The following PDZD2 variants were observed in gnomAD, a reference collection of about 807,000 sequenced individuals.
PDZD2 encodes PDZ domain containing 2.
Under a neutral mutation model 220.7 loss-of-function variants are expected in PDZD2, and 90 were observed. That is an observed-to-expected ratio of 0.41 (90% CI 0.34 to 0.49). PDZD2 has a LOEUF of 0.49. Ranked by LOEUF, PDZD2 falls within the 20% of genes least tolerant of loss-of-function variation. The pLI, the probability that PDZD2 is intolerant of heterozygous loss-of-function variation, is 0.28. For synonymous variants in PDZD2, 1,375 were observed against 1,450.5 expected, an observed-to-expected ratio of 0.95 and a Z score of 1.18; for missense variants, 3,174 against 3,608.5, an observed-to-expected ratio of 0.88 and a Z score of 3.08.
chr5:31,990,131 T>A (rs762188280), intron 3 of PDZD2, among the ~76,000 whole-genome samples: 3 of 152,170 alleles, frequency 2.0e-5, no homozygotes, highest in Non-Finnish European at 2.9e-5. Flanking sequence ...AGCGCCGGAG[T>A]ATTTACGGCA....
intron 2 of PDZD2, among the ~76,000 whole-genome samples, chr5:31,954,113 C>T (rs1411507802): frequency 6.6e-6 from 1 of 151,816 alleles, no homozygotes; most frequent in African/African-American, 2.4e-5. Flanking sequence ...GAGACACTGT[C>T]CCTGTCTCTT....
intron 1 of PDZD2, among the ~76,000 whole-genome samples, chr5:31,712,444 G>C (rs394088): frequency 7.2e-6 from 1 of 139,450 alleles, no homozygotes; most frequent in Non-Finnish European, 1.5e-5. Flanking sequence ...TGGGATGGCT[G>C]GGCCTGCCTC....
intron 2 of PDZD2, chr5:31,923,417 C>A: frequency 8.0e-7 from 1 of 1,248,790 alleles, no homozygotes; most frequent in Non-Finnish European, 1.2e-6. Flanking sequence ...AGCTCTTCAA[C>A]GGGGGCCAGT....
chr5:31,768,003 T>C (rs1752125983), intron 1 of PDZD2, among the ~76,000 whole-genome samples: 1 of 152,196 alleles, frequency 6.6e-6, no homozygotes, highest in South Asian at 2.1e-4. Context: ...CAGCCAGGCT[T>C]TCCACCTGTG....
intron 24 of PDZD2, 54 bp downstream of exon 24, chr5:32,101,293 A>G (rs1424068021): frequency 1.3e-6 from 2 of 1,484,784 alleles, no homozygotes; most frequent in Non-Finnish European, 1.8e-6. Flanking sequence ...TTTTCCATGG[A>G]TGTCTCAATG....
chr5:32,079,280 C>A (rs74933224), intron 19 of PDZD2, among the ~76,000 whole-genome samples: 8,818 of 121,088 alleles, frequency 0.073, 482 homozygotes, highest in African/African-American at 0.18. Flanking sequence ...AAAAAAAAAA[C>A]AAAAAAAAAA....
intron 2 of PDZD2, among the ~76,000 whole-genome samples, chr5:31,839,192 C>A: frequency 6.6e-6 from 1 of 152,100 alleles, no homozygotes; most frequent in Admixed American, 6.5e-5. Flanking sequence ...TCTTTGAAGA[C>A]AAGTTTTGTT....
At chr5:31,763,579 G>A (rs1411717104) in intron 1 of PDZD2, among the ~76,000 whole-genome samples, 5 of 152,136 alleles carry the variant, frequency 3.3e-5, no homozygotes, top group African/African-American at 1.2e-4. Context: ...TTGAGAACGT[G>A]GAACATTGAG....
intron 1 of PDZD2, among the ~76,000 whole-genome samples, chr5:31,698,237 C>T (rs1318561769): frequency 6.6e-6 from 1 of 150,550 alleles, no homozygotes; most frequent in Non-Finnish European, 1.5e-5. Flanking sequence ...TCTCACCCAG[C>T]AGGAGCTGCC....
At chr5:32,074,858 G>T (rs161549) in intron 18 of PDZD2, among the ~76,000 whole-genome samples, 39,789 of 150,888 alleles carry the variant, frequency 0.26, 5,848 homozygotes, top group East Asian at 0.46. Context: ...TCACCCAGGC[G>T]GGAGTGCAGT....
chr5:32,008,888 C>T (rs897564438), intron 5 of PDZD2, among the ~76,000 whole-genome samples: 4 of 152,020 alleles, frequency 2.6e-5, no homozygotes, highest in Admixed American at 6.6e-5. Context: ...GGGCCTCAGT[C>T]GTGAAAGGAA....
intron 1 of PDZD2, among the ~76,000 whole-genome samples, chr5:31,698,067 T>TA (rs1747450741): frequency 7.4e-6 from 1 of 135,346 alleles, no homozygotes. Flanking sequence ...CGCACCCAGC[T>TA]AATTTTTTTT....
rs562295471 is a variant in PDZD2, at chr5:31,751,034, G to A, written c.-360-47855G>A. Among the ~76,000 whole-genome samples, 5 of 152,190 alleles carry A rather than the reference G, an allele frequency of 3.3e-5. No individual in the cohort carries two copies. In the East Asian group the frequency reaches 7.7e-4, roughly 24 times the overall value. On this transcript the variant is annotated intron_variant, in intron 1 of 24. Coordinates refer to ENST00000438447, the MANE Select transcript of PDZD2 (RefSeq NM_178140.4). ...AAGGCAGGTGGATCACCTGAGGTCA[G>A]GAGTTTGAGACCAGCCTGGCCAATG... is the stretch of plus-strand genomic sequence containing the variant.
intron 2 of PDZD2, among the ~76,000 whole-genome samples, chr5:31,917,342 T>C (rs1422171101): frequency 6.6e-6 from 1 of 152,122 alleles, no homozygotes; most frequent in Non-Finnish European, 1.5e-5. Context: ...GAGGCCAGCC[T>C]GGGCAACATG....
chr5:31,975,800 T>G (rs1749703400), intron 2 of PDZD2, among the ~76,000 whole-genome samples: 1 of 80,728 alleles, frequency 1.2e-5, no homozygotes, highest in Non-Finnish European at 2.5e-5. Context: ...TCACTTTTTT[T>G]TTATTTATTT....
At chr5:31,936,066 AT>A (rs746974729) in intron 2 of PDZD2, 133 of 986,896 alleles carry the variant, frequency 1.3e-4, no homozygotes, top group Non-Finnish European at 1.5e-4. Flanking sequence ...TAAATGAAAA[AT>A]GATCTGAGTG....
chr5:31,675,271 A>G (rs1678907), intron 1 of PDZD2, among the ~76,000 whole-genome samples: 15,388 of 152,108 alleles, frequency 0.1, 806 homozygotes, highest in East Asian at 0.15. Flanking sequence ...CAAAGCTGGT[A>G]GGCTCGTGGG....
At chr5:31,874,991 C>T (rs1739178418) in intron 2 of PDZD2, among the ~76,000 whole-genome samples, 1 of 152,094 alleles carries the variant, frequency 6.6e-6, no homozygotes, top group Non-Finnish European at 1.5e-5. Flanking sequence ...TGTTTAAATG[C>T]TATGTACTGT....
chr5:32,015,738 T>C (rs1481033854), intron 6 of PDZD2, among the ~76,000 whole-genome samples: 1 of 152,206 alleles, frequency 6.6e-6, no homozygotes, highest in East Asian at 1.9e-4. Context: ...TTTTCTAGCC[T>C]TCTGAGAGAG....
Sources: allele counts gnomAD v4.1 joint callset (sites outside exome capture counted in the v4.1 genomes callset), GRCh38; gene constraint gnomAD v4.1.1; transcripts MANE v1.5; gene names NCBI Gene and HGNC (gene_info 2026-07-23, HGNC 2026-07-21).